Variants in EPYC observed in about 807,000 individuals in gnomAD.
EPYC encodes the protein dermatan sulfate proteoglycan 3.
Under a neutral mutation model 30.1 loss-of-function variants are expected in EPYC, and 28 were observed. The ratio of observed to expected loss-of-function variants is 0.93; its 90% CI spans 0.69 to 1.28. EPYC has a LOEUF of 1.28. Ranked by LOEUF, EPYC falls within the 50% of genes most tolerant of loss-of-function variation. The pLI is 0.00. For missense variants in EPYC, 382 were observed against 383.5 expected (o/e 1.00, Z 0.03); for synonymous variants, 144 against 141.4 (o/e 1.02, Z -0.13).
intron 2 of EPYC, among the ~76,000 whole-genome samples, chr12:90,987,861 A>G (rs994225037): frequency 3.9e-5 from 6 of 152,098 alleles, no homozygotes; most frequent in Non-Finnish European, 8.8e-5. Flanking sequence ...TGAACAGTCA[A>G]CCAGTCTTCA....
chr12:90,975,091 A>G (rs2120816007), intron 3 of EPYC, among the ~76,000 whole-genome samples: 1 of 152,274 alleles, frequency 6.6e-6, no homozygotes, highest in Non-Finnish European at 1.5e-5. Flanking sequence ...TCTTATTACT[A>G]TCATTAAATA....
intron 6 of EPYC, among the ~76,000 whole-genome samples, chr12:90,968,371 A>C (rs1236786906): frequency 6.6e-6 from 1 of 152,220 alleles, no homozygotes; most frequent in African/African-American, 2.4e-5. Flanking sequence ...AGAAATCAGA[A>C]ATGCAGGGAG....
At chr12:90,982,490 C>G (rs760392389) in intron 2 of EPYC, among the ~76,000 whole-genome samples, 3 of 152,038 alleles carry the variant, frequency 2.0e-5, no homozygotes, top group African/African-American at 4.8e-5. Context: ...CCTCCTGGCC[C>G]CAGGCAATCA....
At chr12:90,987,747 T>C (rs1457348535) in intron 2 of EPYC, among the ~76,000 whole-genome samples, 1 of 152,150 alleles carries the variant, frequency 6.6e-6, no homozygotes, top group Admixed American at 6.5e-5. Context: ...AACCACTCCA[T>C]TGCACAACTC....
intron 2 of EPYC, 68 bp downstream of exon 2, chr12:91,002,333 G>A (rs1470947797): frequency 1.4e-6 from 2 of 1,408,878 alleles, no homozygotes; most frequent in Non-Finnish European, 1.9e-6. Context: ...ATCTATTTGA[G>A]GAAAACAGAC....
intron 2 of EPYC, among the ~76,000 whole-genome samples, chr12:91,000,412 A>G (rs558797006): frequency 6.6e-6 from 1 of 152,222 alleles, no homozygotes; most frequent in African/African-American, 2.4e-5. Context: ...GTTTATACAG[A>G]TATGTTTGTT....
intron 2 of EPYC, among the ~76,000 whole-genome samples, chr12:90,988,886 C>T (rs1256017152): frequency 6.6e-6 from 1 of 152,012 alleles, no homozygotes; most frequent in Non-Finnish European, 1.5e-5. Flanking sequence ...ATTGTCTATC[C>T]ATTGACAGAT....
chr12:90,977,074 A>T (rs7961889), intron 3 of EPYC, among the ~76,000 whole-genome samples: 100,156 of 151,976 alleles, frequency 0.66, 35,941 homozygotes, highest in East Asian at 0.8. Context: ...ATTTGTTTCT[A>T]TGTCTATCTT....
chr12:90,980,062 G>C (rs566379725), intron 2 of EPYC, among the ~76,000 whole-genome samples: 1 of 152,228 alleles, frequency 6.6e-6, no homozygotes, highest in African/African-American at 2.4e-5. Context: ...GTTTCCATCT[G>C]TAGGTCAGAA....
intron 2 of EPYC, among the ~76,000 whole-genome samples, chr12:91,001,078 A>G (rs1877811109): frequency 6.6e-6 from 1 of 152,082 alleles, no homozygotes; most frequent in Non-Finnish European, 1.5e-5. Flanking sequence ...CCTAAACTTT[A>G]CTAAAGAGAG....
At chr12:90,967,765 G>T (rs1876935153) in intron 6 of EPYC, among the ~76,000 whole-genome samples, 1 of 152,132 alleles carries the variant, frequency 6.6e-6, no homozygotes. Flanking sequence ...TTGAGGCCAG[G>T]AGTTCAAGAC....
At chr12:90,965,589 G>A (rs1876873863) in intron 6 of EPYC, among the ~76,000 whole-genome samples, 1 of 152,016 alleles carries the variant, frequency 6.6e-6, no homozygotes, top group Non-Finnish European at 1.5e-5. Context: ...TTTGTTCATT[G>A]TTAGTGTATT....
At position 90,989,088 on chromosome 12, in the gene EPYC, A is replaced by C. The variant is rs148090598; in HGVS notation, c.166-10826T>G. 6.4e-4 allele frequency among the ~76,000 whole-genome samples: 97 copies of C among 152,214 alleles called. 1 individual carries two copies. The East Asian group carries it at 0.019, about 29-fold the overall frequency. On this transcript the variant is annotated intron_variant, in intron 2 of 6. Coordinates refer to ENST00000261172, the MANE Select transcript of EPYC (RefSeq NM_004950.5). ...AGTAAGAAAAATTATAATGAACATG[A>C]TTGTAGTTTGCAAACCTCCTATATC...
At chr12:90,980,564 A>G (rs953124192) in intron 2 of EPYC, among the ~76,000 whole-genome samples, 1 of 152,302 alleles carries the variant, frequency 6.6e-6, no homozygotes, top group African/African-American at 2.4e-5. Context: ...ATATGAAGTT[A>G]TGAGGCAATG....
intron 2 of EPYC, among the ~76,000 whole-genome samples, chr12:90,982,736 G>A (rs893240439): frequency 6.6e-6 from 1 of 151,986 alleles, no homozygotes; most frequent in Non-Finnish European, 1.5e-5. Flanking sequence ...GAGATCATAT[G>A]GTATTTATCT....
At chr12:90,972,030 T>TA in intron 4 of EPYC, 28 bp from the exon 5 acceptor site, 1 of 1,312,682 alleles carries the variant, frequency 7.6e-7, no homozygotes, top group Non-Finnish European at 1.0e-6. Flanking sequence ...AGGAAGTAAT[T>TA]AAATATTCTT....
At chr12:90,989,965 C>A (rs973672667) in intron 2 of EPYC, among the ~76,000 whole-genome samples, 1 of 152,030 alleles carries the variant, frequency 6.6e-6, no homozygotes, top group Non-Finnish European at 1.5e-5. Flanking sequence ...AAAGTCAGTT[C>A]ATATTCCCTA....
At chr12:90,977,982 C>T in intron 3 of EPYC, 106 bp downstream of exon 3, 3 of 1,045,336 alleles carry the variant, frequency 2.9e-6, no homozygotes, top group Middle Eastern at 2.6e-4. Context: ...TATTCCAAAA[C>T]TTTTTTCTTG....
chr12:90,986,306 T>A (rs1193715441), intron 2 of EPYC, among the ~76,000 whole-genome samples: 9 of 152,092 alleles, frequency 5.9e-5, no homozygotes, highest in Admixed American at 5.9e-4. Flanking sequence ...CACAAAGGAT[T>A]ACAGGATATT....
Sources: gnomAD v4.1 joint callset for allele counts (sites outside exome capture counted in the v4.1 genomes callset) on GRCh38, gnomAD v4.1.1 for gene constraint, MANE v1.5 for transcripts, NCBI Gene and HGNC (gene_info 2026-07-23, HGNC 2026-07-21) for gene names.